FBXO34: variants seen among roughly 807,000 people sequenced by gnomAD.
FBXO34 encodes the protein F-box protein 34.
A neutral mutation model predicts 24.5 loss-of-function variants in FBXO34; 12 were observed. The observed-to-expected ratio is 0.49, with a 90% CI of 0.31 to 0.79. The LOEUF (loss-of-function observed/expected upper bound fraction) is 0.79, where lower values mean the gene tolerates loss of function less well. Ranked by LOEUF, FBXO34 falls within the 30% of genes least tolerant of loss-of-function variation. The pLI, the probability that FBXO34 is intolerant of heterozygous loss-of-function variation, is 0.04. For synonymous variants in FBXO34, 320 were observed against 311.9 expected, an observed-to-expected ratio of 1.03 and a Z score of -0.27; for missense variants, 823 against 857.7, an observed-to-expected ratio of 0.96 and a Z score of 0.51.
the FBXO34 span, among the ~76,000 whole-genome samples, chr14:55,422,757 G>A: frequency 6.6e-6 from 1 of 152,100 alleles, no homozygotes; most frequent in Non-Finnish European, 1.5e-5. Context: ...GGAGGCCGAG[G>A]CAGGAGAATC....
intron 1 of FBXO34, among the ~76,000 whole-genome samples, chr14:55,310,959 T>A (rs1049857367): frequency 6.6e-6 from 1 of 151,620 alleles, no homozygotes; most frequent in Non-Finnish European, 1.5e-5. Flanking sequence ...AAAAAAAACA[T>A]CCAACCTGAC....
At chr14:55,433,610 G>A in the FBXO34 span, 10 of 1,591,902 alleles carry the variant, frequency 6.3e-6, no homozygotes, top group South Asian at 1.1e-4. Flanking sequence ...TGGTAGGGGT[G>A]GAGGGATGAT....
chr14:55,433,953 A>G, the FBXO34 span, among the ~76,000 whole-genome samples: 179 of 152,318 alleles, frequency 1.2e-3, no homozygotes, highest in Non-Finnish European at 2.2e-3. Flanking sequence ...GTTATGTTTC[A>G]GTTCCTATTT....
chr14:55,369,205 CTT>C (rs1221975029), downstream of FBXO34: 1 of 156,352 alleles, frequency 6.4e-6, no homozygotes, highest in Non-Finnish European at 1.4e-5. Flanking sequence ...AGAATCACCT[CTT>C]GTGATTCAAC....
intron 1 of FBXO34, among the ~76,000 whole-genome samples, chr14:55,309,464 G>T (rs2139738721): frequency 6.6e-6 from 1 of 152,248 alleles, no homozygotes; most frequent in South Asian, 2.1e-4. Flanking sequence ...CTTTTTGCAA[G>T]AATTAAGCTT....
rs1566555819 is a variant in FBXO34 at position 55,323,218 on chromosome 14, A to AAAT, written c.-10-27162_-10-27161insATA. 1.5e-3 allele frequency among the ~76,000 whole-genome samples: 49 copies of AAAT among 31,620 alleles called. 1 individual carries two copies. The highest frequency in any genetic ancestry group is 6.1e-3 in the East Asian group (5 of 826). The allele number at this position is 31,620 out of a possible 152,430, so 20.7% of individuals were successfully genotyped here. On this transcript the variant is annotated intron_variant, in intron 1 of 1. Coordinates refer to ENST00000313833, the MANE Select transcript of FBXO34 (RefSeq NM_017943.4). ...AAAAAAAAAAAAAAAAAAAAAAAAA[A>AAAT]ATATATATTTTTTTTTTTTTTTTTT...
the FBXO34 span, chr14:55,440,606 G>A: frequency 4.7e-6 from 7 of 1,501,186 alleles, no homozygotes; most frequent in Non-Finnish European, 6.2e-6. Flanking sequence ...CAGAGGGCGC[G>A]AGAGAAGCGT....
chr14:55,423,667 C>T, the FBXO34 span, among the ~76,000 whole-genome samples: 235 of 152,282 alleles, frequency 1.5e-3, 5 homozygotes, highest in East Asian at 0.042. Context: ...AATTATGTCA[C>T]GATATGAAAT....
In FBXO34 at chr14:55,351,042, GCCAGTGCT is replaced by G. The variant is rs1884345867; in HGVS notation, c.654_661del (p.Ser219AlafsTer3). On this transcript the variant is annotated frameshift_variant, in exon 2 of 2. Transcript: ENST00000313833. LOFTEE classifies it low-confidence loss of function (END_TRUNC). ...GATGGTTGCCTTCTTGGAGCAAAGA[GCCAGTGCT>G]CTGCTAGCTAGCTGTTCAAAAAACT... 6.2e-7 allele frequency: 1 copy of G among 1,614,114 alleles called. No homozygotes were observed. Among genetic ancestry groups the G allele is most frequent in the Non-Finnish European group, 8.5e-7 (1 of 1,180,050 alleles).
chr14:55,438,600 C>A, the FBXO34 span, among the ~76,000 whole-genome samples: 3 of 152,126 alleles, frequency 2.0e-5, no homozygotes, highest in African/African-American at 7.2e-5. Flanking sequence ...TATCAGGGAA[C>A]AAAGCTACAC....
Position 55,323,924 on chromosome 14 carries a change from A to C in FBXO34, c.-10-26457A>C, listed in dbSNP as rs145804744. Among the ~76,000 whole-genome samples the C allele has an allele frequency of 2.0e-5, 3 of 152,286 alleles. No homozygotes were observed. In the East Asian group the frequency reaches 5.8e-4, roughly 29 times the overall value. On this transcript the variant is annotated intron_variant, in intron 1 of 1. Transcript: ENST00000313833. ...GATTTATTTAAAAATTTAGATATTA[A>C]TCACATACCACAAAATTCACCCTTT...
chr14:55,299,100 A>T (rs187736018), intron 1 of FBXO34: 2 of 1,382,594 alleles, frequency 1.4e-6, no homozygotes, highest in Non-Finnish European at 2.1e-6. Context: ...GGATGAGCTC[A>T]TGGCGGAATT....
chr14:55,330,692 G>A (rs1479961705), intron 1 of FBXO34, among the ~76,000 whole-genome samples: 6 of 152,180 alleles, frequency 3.9e-5, no homozygotes, highest in Non-Finnish European at 8.8e-5. Context: ...TTGGGAGGCT[G>A]TGGTGGGAGG....
chr14:55,403,358 G>A, the FBXO34 span, among the ~76,000 whole-genome samples: 2 of 152,066 alleles, frequency 1.3e-5, no homozygotes, highest in Non-Finnish European at 2.9e-5. Flanking sequence ...GAGGGATTAT[G>A]AAACCAGGAT....
chr14:55,383,527 G>A, the FBXO34 span, among the ~76,000 whole-genome samples: 2 of 151,906 alleles, frequency 1.3e-5, no homozygotes, highest in South Asian at 4.2e-4. Context: ...CTCCAGCCTG[G>A]GTGACAAAGC....
chr14:55,428,698 CT>C, the FBXO34 span: 60,644 of 874,366 alleles, frequency 0.069, no homozygotes, highest in South Asian at 0.094. Context: ...TGTCCCCCGC[CT>C]TTTTTTTTTT....
the FBXO34 span, among the ~76,000 whole-genome samples, chr14:55,427,574 T>G: frequency 1.3e-5 from 2 of 152,104 alleles, no homozygotes; most frequent in Non-Finnish European, 2.9e-5. Context: ...CAAGAGAATT[T>G]AAGAGCATCT....
downstream of FBXO34, among the ~76,000 whole-genome samples, chr14:55,363,481 C>G (rs977450912): frequency 6.6e-6 from 1 of 151,864 alleles, no homozygotes; most frequent in Non-Finnish European, 1.5e-5. Context: ...GTGCCCACCA[C>G]CACACCCGAC....
chr14:55,304,789 T>C (rs1882482828), intron 1 of FBXO34, among the ~76,000 whole-genome samples: 1 of 152,198 alleles, frequency 6.6e-6, no homozygotes, highest in South Asian at 2.1e-4. Context: ...TGAGCCATTG[T>C]GCCCAACCCA....
Sources: gnomAD v4.1 joint callset for allele counts (sites outside exome capture counted in the v4.1 genomes callset) on GRCh38, gnomAD v4.1.1 for gene constraint, MANE v1.5 for transcripts, NCBI Gene and HGNC (gene_info 2026-07-23, HGNC 2026-07-21) for gene names.